PRKAR1B: variants seen among roughly 807,000 people sequenced by gnomAD.
PRKAR1B encodes protein kinase cAMP-dependent type I regulatory subunit beta.
In PRKAR1B, 22 loss-of-function variants were observed where a neutral mutation model predicts 46.5. The ratio of observed to expected loss-of-function variants is 0.47; its 90% CI spans 0.34 to 0.68. PRKAR1B has a LOEUF of 0.68. Among genes scored for constraint, PRKAR1B ranks in the 30% least tolerant of loss-of-function variants. The pLI, the probability that PRKAR1B is intolerant of heterozygous loss-of-function variation, is 0.01. For missense variants in PRKAR1B, 445 were observed against 535.6 expected (o/e 0.83, Z 1.67); for synonymous variants, 259 against 217.7 (o/e 1.19, Z -1.67).
intron 2 of PRKAR1B, among the ~76,000 whole-genome samples, chr7:695,453 T>C (rs74591846): frequency 0.035 from 5,317 of 152,246 alleles, 356 homozygotes; most frequent in African/African-American, 0.12. Flanking sequence ...TCAGTGGTGC[T>C]GCCTTCCCAA....
intron 4 of PRKAR1B, among the ~76,000 whole-genome samples, chr7:631,956 CAAAA>C (rs35750745): frequency 6.8e-6 from 1 of 147,880 alleles, no homozygotes; most frequent in Non-Finnish European, 1.5e-5. Context: ...GACCCTGTCT[CAAAA>C]AAAAAAGCAG....
intron 4 of PRKAR1B, among the ~76,000 whole-genome samples, chr7:628,639 G>A (rs1783549999): frequency 6.6e-6 from 1 of 152,234 alleles, no homozygotes; most frequent in Admixed American, 6.5e-5. Context: ...CCAGGGTCAG[G>A]CCGGCCAGGC....
intron 4 of PRKAR1B, among the ~76,000 whole-genome samples, chr7:640,088 G>A (rs529163118): frequency 4.6e-5 from 7 of 150,926 alleles, no homozygotes; most frequent in South Asian, 2.1e-4. Context: ...ACTTAAACCC[G>A]GGAGGCGCAG....
chr7:592,044 G>A (rs1781004847), intron 7 of PRKAR1B, among the ~76,000 whole-genome samples: 2 of 152,338 alleles, frequency 1.3e-5, no homozygotes, highest in South Asian at 4.1e-4. Context: ...GGGGTCGCCA[G>A]CTGTGAACGG....
chr7:604,685 G>A (rs1781898546), intron 6 of PRKAR1B, among the ~76,000 whole-genome samples: 1 of 152,234 alleles, frequency 6.6e-6, no homozygotes, highest in Non-Finnish European at 1.5e-5. Context: ...GACAGACTCC[G>A]CGGCTGCCAC....
chr7:697,921 G>A (rs1583434844), intron 2 of PRKAR1B, among the ~76,000 whole-genome samples: 1 of 121,974 alleles, frequency 8.2e-6, no homozygotes, highest in Non-Finnish European at 1.8e-5. Context: ...AGGGAGGGGA[G>A]GGGAGGGGAG....
At chr7:633,974 C>T (rs1783901456) in intron 4 of PRKAR1B, among the ~76,000 whole-genome samples, 1 of 152,042 alleles carries the variant, frequency 6.6e-6, no homozygotes, top group Admixed American at 6.5e-5. Flanking sequence ...ACTGCTTGAG[C>T]CCAGGAGTTT....
At chr7:581,396 T>C (rs930775323) in intron 8 of PRKAR1B, among the ~76,000 whole-genome samples, 3 of 151,530 alleles carry the variant, frequency 2.0e-5, no homozygotes, top group Non-Finnish European at 2.9e-5. Flanking sequence ...AACACATCAG[T>C]GCACACCTGA....
intron 7 of PRKAR1B, among the ~76,000 whole-genome samples, chr7:590,397 G>T (rs1028427734): frequency 6.6e-6 from 1 of 152,196 alleles, no homozygotes; most frequent in Non-Finnish European, 1.5e-5. Context: ...TCCTGGCCTG[G>T]CGGCACTGAC....
At chr7:573,781 A>G (rs1779665301) in intron 9 of PRKAR1B, among the ~76,000 whole-genome samples, 1 of 152,168 alleles carries the variant, frequency 6.6e-6, no homozygotes, top group African/African-American at 2.4e-5. Flanking sequence ...GGGATCGCGG[A>G]GTCGGGCACA....
At chr7:558,717 A>G (rs879798181) in intron 9 of PRKAR1B, among the ~76,000 whole-genome samples, 13 of 152,078 alleles carry the variant, frequency 8.5e-5, no homozygotes, top group Admixed American at 2.0e-4. Context: ...GCGCCACTGC[A>G]CTCCAGCCTG....
intron 4 of PRKAR1B, among the ~76,000 whole-genome samples, chr7:611,731 T>C (rs960904733): frequency 3.3e-5 from 5 of 152,204 alleles, no homozygotes; most frequent in African/African-American, 1.2e-4. Context: ...GATGAGTGAA[T>C]GGACACATGG....
chr7:724,486 G>A (rs1000338856), intron 1 of PRKAR1B, among the ~76,000 whole-genome samples: 7 of 152,210 alleles, frequency 4.6e-5, no homozygotes, highest in African/African-American at 1.7e-4. Flanking sequence ...GCTCCTTCCC[G>A]CCTTCGGCCA....
chr7:605,042 C>T (rs180999275), intron 6 of PRKAR1B, among the ~76,000 whole-genome samples: 2 of 152,212 alleles, frequency 1.3e-5, no homozygotes, highest in Non-Finnish European at 1.5e-5. Context: ...CACCACGAGC[C>T]GCAGAGGGTC....
intron 9 of PRKAR1B, among the ~76,000 whole-genome samples, chr7:566,071 A>G (rs572259910): frequency 6.6e-6 from 1 of 152,332 alleles, no homozygotes; most frequent in East Asian, 1.9e-4. Flanking sequence ...GTAAGGATTA[A>G]ATGAGTTAAA....
rs1302291067 is a variant in PRKAR1B, at chr7:685,293, TAC to T, written c.178-4569_178-4568del. On this transcript the variant is annotated intron_variant, in intron 2 of 10. Transcript: ENST00000537384. ...ACGTATATATACGTATATATATGTATACATATATATATACGTATATATACGTA... is the reference window on the plus strand; with the variant it reads ...ACGTATATATACGTATATATATGTATATATATATATACGTATATATACGTA... Among the ~76,000 whole-genome samples, 79 of 8,960 alleles carry T rather than the reference TAC, an allele frequency of 8.8e-3. 2 individuals are homozygous for T. Among genetic ancestry groups the T allele is most frequent in the African/African-American group, 0.031 (66 of 2,112 alleles). The allele number at this position is 8,960 out of a possible 152,430, so 5.9% of individuals were successfully genotyped here. A position where few individuals can be genotyped will look rare whatever the true frequency, so the allele number is the denominator to read the frequency against.
At chr7:691,569 C>A (rs553118083) in intron 2 of PRKAR1B, 8 of 1,304,440 alleles carry the variant, frequency 6.1e-6, no homozygotes, top group Middle Eastern at 2.1e-4. Context: ...CGCCCTTCCG[C>A]CTACACGCAG....
chr7:592,804 G>A (rs1225191548), intron 7 of PRKAR1B, among the ~76,000 whole-genome samples: 3 of 152,206 alleles, frequency 2.0e-5, no homozygotes, highest in Admixed American at 6.5e-5. Context: ...AGGCTGAGGC[G>A]GGAGGATCAC....
At chr7:573,851 C>T (rs1249868386) in intron 9 of PRKAR1B, among the ~76,000 whole-genome samples, 2 of 152,140 alleles carry the variant, frequency 1.3e-5, no homozygotes, top group African/African-American at 4.8e-5. Flanking sequence ...GTCTGCCCCT[C>T]GCCGGTCCCC....
Sources: gnomAD v4.1 joint callset for allele counts (sites outside exome capture counted in the v4.1 genomes callset) on GRCh38, gnomAD v4.1.1 for gene constraint, MANE v1.5 for transcripts, NCBI Gene and HGNC (gene_info 2026-07-23, HGNC 2026-07-21) for gene names.